The following NELL1 variants were observed in gnomAD, a reference collection of about 807,000 sequenced individuals.
NELL1 encodes protein kinase C-binding protein NELL1.
NELL1 carries 76 observed loss-of-function variants against 107.4 expected under a neutral mutation model. That is an observed-to-expected ratio of 0.71 (90% CI 0.59 to 0.86). NELL1 has a LOEUF of 0.86. NELL1 is among the 40% of genes least tolerant of loss of function. The probability of loss-of-function intolerance (pLI) is 0.00; values close to 1 mark genes in which losing one functional copy is unlikely to be tolerated. For synonymous variants in NELL1, 353 were observed against 341.2 expected, an observed-to-expected ratio of 1.03 and a Z score of -0.38; for missense variants, 1,024 against 1,005.5, an observed-to-expected ratio of 1.02 and a Z score of -0.25.
chr11:21,289,068 C>A (rs1490374814), intron 14 of NELL1, among the ~76,000 whole-genome samples: 1 of 152,036 alleles, frequency 6.6e-6, no homozygotes, highest in Non-Finnish European at 1.5e-5. Context: ...ATAGGGTAGA[C>A]CAGATATAAG....
At chr11:21,125,210 AAG>A (rs1216303719) in intron 13 of NELL1, among the ~76,000 whole-genome samples, 2 of 152,186 alleles carry the variant, frequency 1.3e-5, no homozygotes, top group Non-Finnish European at 2.9e-5. Flanking sequence ...GGCCAAGACA[AAG>A]AGAGATACTA....
chr11:20,771,644 G>A (rs541639414), intron 2 of NELL1, among the ~76,000 whole-genome samples: 71 of 152,300 alleles, frequency 4.7e-4, no homozygotes, highest in Admixed American at 1.2e-3. Flanking sequence ...AGCTGTTTGC[G>A]TATCATAGAG....
At chr11:21,092,270 A>G (rs2133690660) in intron 12 of NELL1, among the ~76,000 whole-genome samples, 1 of 152,214 alleles carries the variant, frequency 6.6e-6, no homozygotes, top group Middle Eastern at 3.4e-3. Flanking sequence ...GTCTATAGGG[A>G]CAATAGCTCA....
At chr11:21,511,597 G>T (rs1855437635) in intron 15 of NELL1, among the ~76,000 whole-genome samples, 1 of 152,174 alleles carries the variant, frequency 6.6e-6, no homozygotes, top group Middle Eastern at 3.2e-3. Flanking sequence ...AGGCTGAAAA[G>T]ATAAAGCTAC....
At chr11:21,525,616 C>T (rs1326553284) in intron 15 of NELL1, among the ~76,000 whole-genome samples, 1 of 152,118 alleles carries the variant, frequency 6.6e-6, no homozygotes, top group African/African-American at 2.4e-5. Flanking sequence ...CTAATAAAGA[C>T]ATATCTGAGA....
At chr11:21,243,895 T>A (rs1020248924) in intron 14 of NELL1, among the ~76,000 whole-genome samples, 3 of 152,138 alleles carry the variant, frequency 2.0e-5, no homozygotes, top group Non-Finnish European at 4.4e-5. Context: ...AAAGGGGTGA[T>A]CTCTGGAGAG....
rs150669837 is a variant in NELL1 at position 21,488,470 on chromosome 11, G to A, written c.1646-45904G>A. On this transcript the variant is annotated intron_variant, in intron 15 of 19. Coordinates refer to ENST00000357134, the MANE Select transcript of NELL1 (RefSeq NM_006157.5). Reference sequence around the variant, plus strand: ...TTCCTGGCCTATAAGCAGCATTGGTGATATCTGCAATTTCCTCAGGGGCTT... The same window carrying A: ...TTCCTGGCCTATAAGCAGCATTGGTAATATCTGCAATTTCCTCAGGGGCTT... 3.5e-3 allele frequency among the ~76,000 whole-genome samples: 538 copies of A among 152,150 alleles called. 3 individuals are homozygous for A. Among genetic ancestry groups the A allele is most frequent in the Non-Finnish European group, 6.0e-3 (408 of 68,006 alleles).
At chr11:21,160,474 T>C (rs949013406) in intron 13 of NELL1, among the ~76,000 whole-genome samples, 7 of 152,202 alleles carry the variant, frequency 4.6e-5, no homozygotes, top group African/African-American at 1.7e-4. Context: ...AATTTCATTG[T>C]GTGCCCTTTT....
chr11:20,738,194 G>T (rs1279986649), intron 2 of NELL1, among the ~76,000 whole-genome samples: 1 of 152,214 alleles, frequency 6.6e-6, no homozygotes, highest in East Asian at 1.9e-4. Flanking sequence ...TTCCAGGTAA[G>T]CATCCCAGAA....
At position 21,229,468 on chromosome 11, in the gene NELL1, C is replaced by G; in HGVS notation, c.1549+14C>G. 1 of 1,613,200 alleles carries G rather than the reference C, an allele frequency of 6.2e-7. No individual in the cohort carries two copies. Among genetic ancestry groups the G allele is most frequent in the Non-Finnish European group, 8.5e-7 (1 of 1,179,496 alleles). Reference sequence around the variant, plus strand: ...CCATCTGCAGAGGTAGGCTTGCCGCCTTAGTGTTGAGTTGTGAGCAGCCAT... The same window carrying G: ...CCATCTGCAGAGGTAGGCTTGCCGCGTTAGTGTTGAGTTGTGAGCAGCCAT... On this transcript the variant is annotated intron_variant, in intron 14 of 19. Coordinates refer to ENST00000357134, the MANE Select transcript of NELL1 (RefSeq NM_006157.5).
At chr11:21,069,166 A>G (rs1043374074) in intron 12 of NELL1, among the ~76,000 whole-genome samples, 2 of 152,226 alleles carry the variant, frequency 1.3e-5, no homozygotes, top group African/African-American at 4.8e-5. Context: ...AGAATAGCTA[A>G]TGGATACAGG....
At chr11:21,242,754 A>G (rs4923452) in intron 14 of NELL1, among the ~76,000 whole-genome samples, 38,997 of 152,046 alleles carry the variant, frequency 0.26, 5,342 homozygotes, top group Non-Finnish European at 0.3. Flanking sequence ...GGCTTCAATC[A>G]AATTAAAGAC....
At chr11:20,747,651 C>G (rs961784207) in intron 2 of NELL1, among the ~76,000 whole-genome samples, 1 of 152,184 alleles carries the variant, frequency 6.6e-6, no homozygotes, top group Non-Finnish European at 1.5e-5. Flanking sequence ...CTCAATATGT[C>G]AATCTTGGAA....
At chr11:21,574,735 T>C (rs1267634828) in intron 19 of NELL1, among the ~76,000 whole-genome samples, 1 of 151,836 alleles carries the variant, frequency 6.6e-6, no homozygotes, top group African/African-American at 2.4e-5. Flanking sequence ...GCAGGTGATG[T>C]GTGAAATTGA....
chr11:21,519,545 G>GT (rs5790192), intron 15 of NELL1, among the ~76,000 whole-genome samples: 47,284 of 146,950 alleles, frequency 0.32, 8,001 homozygotes, highest in Non-Finnish European at 0.38. Context: ...TTTGTTTTTT[G>GT]TTTTTTTTTT....
At chr11:21,559,728 G>T (rs1420002205) in intron 16 of NELL1, among the ~76,000 whole-genome samples, 3 of 152,052 alleles carry the variant, frequency 2.0e-5, no homozygotes, top group African/African-American at 7.2e-5. Context: ...CTACTCAGTG[G>T]CTAATACATT....
intron 16 of NELL1, among the ~76,000 whole-genome samples, chr11:21,558,431 CTTT>C (rs947587896): frequency 2.0e-5 from 3 of 151,710 alleles, no homozygotes; most frequent in Non-Finnish European, 4.4e-5. Context: ...TATACACTTA[CTTT>C]TTTGTGACAA....
intron 13 of NELL1, among the ~76,000 whole-genome samples, chr11:21,146,967 C>G (rs942900516): frequency 3.3e-5 from 5 of 152,108 alleles, no homozygotes; most frequent in Admixed American, 2.0e-4. Flanking sequence ...TTGCTTGAAC[C>G]CAGGAGGCAG....
chr11:20,791,560 T>G (rs1857073934), intron 3 of NELL1, among the ~76,000 whole-genome samples: 2 of 152,182 alleles, frequency 1.3e-5, no homozygotes, highest in African/African-American at 2.4e-5. Context: ...TGCCTGTTAG[T>G]TCATTTTTAT....
Sources: gnomAD v4.1 joint callset for allele counts (sites outside exome capture counted in the v4.1 genomes callset) on GRCh38, gnomAD v4.1.1 for gene constraint, MANE v1.5 for transcripts, NCBI Gene and HGNC (gene_info 2026-07-23, HGNC 2026-07-21) for gene names.